Variants in IFT81 observed in about 807,000 individuals in gnomAD.
IFT81 encodes intraflagellar transport 81, also known as intraflagellar transport protein 81 homolog.
In IFT81, 72 loss-of-function variants were observed where a neutral mutation model predicts 102.6. The ratio of observed to expected loss-of-function variants is 0.70; its 90% CI spans 0.58 to 0.85. The LOEUF (loss-of-function observed/expected upper bound fraction) is 0.85, where lower values mean the gene tolerates loss of function less well. Among genes scored for constraint, IFT81 ranks in the 40% least tolerant of loss-of-function variants. The pLI, the probability that IFT81 is intolerant of heterozygous loss-of-function variation, is 0.00. For synonymous variants in IFT81, 237 were observed against 242.7 expected (o/e 0.98, Z 0.22); for missense variants, 723 against 787.3 (o/e 0.92, Z 0.98).
chr12:110,196,709 T>C (rs557525301), intron 14 of IFT81, among the ~76,000 whole-genome samples: 1 of 152,260 alleles, frequency 6.6e-6, no homozygotes, highest in Admixed American at 6.5e-5. Context: ...GGAAAAAAAC[T>C]TCCCGTTGAA....
At chr12:110,165,571 A>G (rs543001383) in intron 11 of IFT81, among the ~76,000 whole-genome samples, 1 of 152,362 alleles carries the variant, frequency 6.6e-6, no homozygotes, top group African/African-American at 2.4e-5. Context: ...AGGGGGACTC[A>G]CATTTATTGA....
intron 18 of IFT81, chr12:110,216,833 G>C (rs1870203311): frequency 3.3e-6 from 1 of 300,946 alleles, no homozygotes; most frequent in South Asian, 2.8e-5. Flanking sequence ...ACATATAACA[G>C]GTGCTTCATA....
At chr12:110,192,764 T>C in intron 14 of IFT81, 58 bp downstream of exon 14, 2 of 938,862 alleles carry the variant, frequency 2.1e-6, no homozygotes, top group Non-Finnish European at 3.4e-6. Context: ...TATTCTATCT[T>C]ATTCACATGT....
intron 11 of IFT81, among the ~76,000 whole-genome samples, chr12:110,175,228 A>G (rs1215719125): frequency 6.6e-6 from 1 of 152,184 alleles, no homozygotes; most frequent in Non-Finnish European, 1.5e-5. Context: ...TATGCCTTTA[A>G]AAATTATTTT....
chr12:110,213,369 G>A (rs186495613), intron 18 of IFT81, among the ~76,000 whole-genome samples: 2 of 152,222 alleles, frequency 1.3e-5, no homozygotes, highest in East Asian at 3.9e-4. Flanking sequence ...GTGTCAATTA[G>A]CATGTTCTTC....
intron 11 of IFT81, among the ~76,000 whole-genome samples, chr12:110,164,319 CTT>C (rs1896317610): frequency 6.6e-6 from 1 of 152,124 alleles, no homozygotes; most frequent in African/African-American, 2.4e-5. Context: ...TTTCCATCCT[CTT>C]TTCATAAAAT....
At chr12:110,172,656 C>G (rs998642732) in intron 11 of IFT81, among the ~76,000 whole-genome samples, 4 of 152,132 alleles carry the variant, frequency 2.6e-5, no homozygotes, top group Non-Finnish European at 5.9e-5. Context: ...CCGGAGGTGC[C>G]GGGATTGCAG....
At chr12:110,138,391 C>T (rs1894638987) in intron 8 of IFT81, among the ~76,000 whole-genome samples, 1 of 151,386 alleles carries the variant, frequency 6.6e-6, no homozygotes, top group Non-Finnish European at 1.5e-5. Flanking sequence ...TGTCTTTTTG[C>T]AGAGTAACAG....
At chr12:110,211,637 G>GT (rs201443393) in intron 18 of IFT81, among the ~76,000 whole-genome samples, 384 of 149,484 alleles carry the variant, frequency 2.6e-3, no homozygotes, top group African/African-American at 4.2e-3. Context: ...AATTATTCTT[G>GT]TTTTTTTTTA....
intron 10 of IFT81, among the ~76,000 whole-genome samples, chr12:110,159,416 G>A (rs1438811239): frequency 6.6e-6 from 1 of 152,004 alleles, no homozygotes; most frequent in Non-Finnish European, 1.5e-5. Context: ...GCCAAGATTG[G>A]GCCACTGCAC....
At chr12:110,215,711 C>T (rs1404162722) in intron 18 of IFT81, among the ~76,000 whole-genome samples, 8 of 151,534 alleles carry the variant, frequency 5.3e-5, no homozygotes, top group Admixed American at 6.6e-5. Flanking sequence ...TTTTTCCTAC[C>T]GTGTCACTTA....
chr12:110,198,834 A>T, intron 14 of IFT81, among the ~76,000 whole-genome samples: 2 of 144,700 alleles, frequency 1.4e-5, no homozygotes, highest in African/African-American at 2.6e-5. Context: ...TTCTTGAGAC[A>T]GAGTCTTGCT....
intron 11 of IFT81, among the ~76,000 whole-genome samples, chr12:110,175,837 C>T (rs1374144395): frequency 6.6e-6 from 1 of 151,938 alleles, no homozygotes; most frequent in African/African-American, 2.4e-5. Flanking sequence ...TATTTTTAGA[C>T]AGAGTCTGTC....
At chr12:110,149,774 G>A (rs191229738) in intron 10 of IFT81, among the ~76,000 whole-genome samples, 4 of 152,208 alleles carry the variant, frequency 2.6e-5, no homozygotes, top group East Asian at 3.9e-4. Flanking sequence ...AGTGCCTGTC[G>A]GTGTCTCTAG....
intron 17 of IFT81, among the ~76,000 whole-genome samples, chr12:110,208,803 TA>T (rs1869025187): frequency 6.6e-6 from 1 of 152,222 alleles, no homozygotes; most frequent in Admixed American, 6.5e-5. Context: ...ACATGCTACT[TA>T]ATGTTTATTT....
At chr12:110,168,805 G>GA (rs951849049) in intron 11 of IFT81, 2 of 152,148 alleles carry the variant, frequency 1.3e-5, no homozygotes, top group Non-Finnish European at 2.9e-5. Context: ...ATGGTGTTCA[G>GA]AAAAAAATTA....
At chr12:110,195,469 T>C (rs753595079) in intron 14 of IFT81, among the ~76,000 whole-genome samples, 1 of 152,172 alleles carries the variant, frequency 6.6e-6, no homozygotes, top group Non-Finnish European at 1.5e-5. Flanking sequence ...TTAAATGATA[T>C]TCTTTGACAT....
At chr12:110,173,973 GAAAGAAAAAA>G (rs1414574407) in intron 11 of IFT81, among the ~76,000 whole-genome samples, 18 of 150,146 alleles carry the variant, frequency 1.2e-4, no homozygotes, top group Non-Finnish European at 2.2e-4. Context: ...AAAAAAAAAA[GAAAGAAAAAA>G]AAAGAAAAAT....
At chr12:110,210,868 C>T (rs866848425) in intron 18 of IFT81, among the ~76,000 whole-genome samples, 10 of 149,516 alleles carry the variant, frequency 6.7e-5, no homozygotes, top group Non-Finnish European at 5.9e-5. Context: ...CTTTTTTTTT[C>T]GAGACAGAGT....
Sources: gnomAD v4.1 joint callset for allele counts (sites outside exome capture counted in the v4.1 genomes callset) on GRCh38, gnomAD v4.1.1 for gene constraint, MANE v1.5 for transcripts, NCBI Gene and HGNC (gene_info 2026-07-23, HGNC 2026-07-21) for gene names.